The following AGBL4 variants were observed in gnomAD, a reference collection of about 807,000 sequenced individuals.
The protein encoded by AGBL4 is cytosolic carboxypeptidase 6.
A neutral mutation model predicts 66.4 loss-of-function variants in AGBL4; 58 were observed. That is an observed-to-expected ratio of 0.87 (90% CI 0.71 to 1.09). The LOEUF is 1.09. Among genes scored for constraint, AGBL4 ranks in the 50% least tolerant of loss-of-function variants. The probability of loss-of-function intolerance (pLI) is 0.00; values close to 1 mark genes in which losing one functional copy is unlikely to be tolerated. For missense variants in AGBL4, 579 were observed against 631.0 expected (o/e 0.92, Z 0.88); for synonymous variants, 234 against 222.9 (o/e 1.05, Z -0.44).
chr1:48,940,219 A>G (rs1655847429), intron 5 of AGBL4, among the ~76,000 whole-genome samples: 1 of 152,196 alleles, frequency 6.6e-6, no homozygotes, highest in African/African-American at 2.4e-5. Context: ...CTCTACTAAA[A>G]ATACAAAAAT....
chr1:49,375,323 A>G (rs191973182), intron 3 of AGBL4, among the ~76,000 whole-genome samples: 21 of 152,230 alleles, frequency 1.4e-4, no homozygotes, highest in African/African-American at 4.8e-4. Flanking sequence ...AGTGCCATTT[A>G]TCCTTTCCCA....
intron 5 of AGBL4, among the ~76,000 whole-genome samples, chr1:49,039,305 C>G (rs1342242352): frequency 6.6e-6 from 1 of 151,988 alleles, no homozygotes; most frequent in Non-Finnish European, 1.5e-5. Context: ...ATGTACAACA[C>G]CCAGAGTGAA....
intron 1 of AGBL4, among the ~76,000 whole-genome samples, chr1:49,990,093 ACAATC>A (rs1158694471): frequency 6.6e-6 from 1 of 152,216 alleles, no homozygotes; most frequent in African/African-American, 2.4e-5. Context: ...ATTTTGTAAA[ACAATC>A]CAAACAAATT....
intron 11 of AGBL4, among the ~76,000 whole-genome samples, chr1:48,550,642 T>C (rs141970155): frequency 9.2e-5 from 14 of 152,272 alleles, no homozygotes; most frequent in Non-Finnish European, 1.5e-4. Flanking sequence ...TTATTCAGCC[T>C]ATTCCACACT....
intron 3 of AGBL4, among the ~76,000 whole-genome samples, chr1:49,422,901 T>C (rs1417964627): frequency 6.6e-6 from 1 of 152,220 alleles, no homozygotes; most frequent in African/African-American, 2.4e-5. Flanking sequence ...GTGTGCTCTC[T>C]AAACTCAAAT....
At chr1:48,946,400 T>A (rs941034046) in intron 5 of AGBL4, among the ~76,000 whole-genome samples, 1 of 152,202 alleles carries the variant, frequency 6.6e-6, no homozygotes, top group African/African-American at 2.4e-5. Flanking sequence ...TAGTGACAGC[T>A]TGATCGATAA....
At chr1:49,508,996 A>G (rs1230317672) in intron 3 of AGBL4, among the ~76,000 whole-genome samples, 4 of 151,894 alleles carry the variant, frequency 2.6e-5, no homozygotes, top group Admixed American at 6.6e-5. Context: ...AGTAGGGAAC[A>G]TGGATAAGAT....
At chr1:48,792,560 A>G (rs868280293) in intron 6 of AGBL4, among the ~76,000 whole-genome samples, 1 of 152,206 alleles carries the variant, frequency 6.6e-6, no homozygotes. Flanking sequence ...CTCGATATTC[A>G]TGGAGGTATG....
At chr1:48,656,565 G>A (rs1029881399) in intron 7 of AGBL4, among the ~76,000 whole-genome samples, 1 of 152,192 alleles carries the variant, frequency 6.6e-6, no homozygotes, top group Non-Finnish European at 1.5e-5. Flanking sequence ...GGGGCCTGGG[G>A]CCCCAGAAGA....
chr1:49,771,872 G>T (rs1182755716), intron 2 of AGBL4, among the ~76,000 whole-genome samples: 2 of 151,824 alleles, frequency 1.3e-5, no homozygotes, highest in African/African-American at 2.4e-5. Flanking sequence ...GTCTTTAATG[G>T]TGAGATGAGT....
chr1:48,691,175 A>G (rs949660602), intron 6 of AGBL4, among the ~76,000 whole-genome samples: 4 of 138,500 alleles, frequency 2.9e-5, no homozygotes, highest in Non-Finnish European at 5.9e-5. Flanking sequence ...AAAAAAAAAA[A>G]CACATATATG....
At chr1:49,234,082 T>C (rs1302543470) in intron 4 of AGBL4, among the ~76,000 whole-genome samples, 1 of 152,186 alleles carries the variant, frequency 6.6e-6, no homozygotes, top group Non-Finnish European at 1.5e-5. Flanking sequence ...TCCTGAATGA[T>C]GGTATGTTTG....
chr1:49,153,723 C>A lies in AGBL4; in HGVS notation c.377+92047G>T, dbSNP rs577028196. On this transcript the variant is annotated intron_variant, in intron 4 of 13. Transcript: ENST00000371839. ...TAATAATACCTAAACTCTTTCTGGG[C>A]CTTGTTTTCCCATCTGCAAAATGAG... is the stretch of plus-strand genomic sequence containing the variant. Among the ~76,000 whole-genome samples the A allele has an allele frequency of 5.3e-5, 8 of 151,966 alleles. No individual in the cohort carries two copies. The South Asian group carries it at 1.5e-3, about 28-fold the overall frequency.
chr1:49,755,862 C>T lies in AGBL4; in HGVS notation c.158-58425G>A, dbSNP rs189408014. On this transcript the variant is annotated intron_variant, in intron 2 of 13. Coordinates refer to ENST00000371839, the MANE Select transcript of AGBL4 (RefSeq NM_032785.4). ...GTGCCAGAGTGATCTTTCTAAAATG[C>T]AAACTTAACTATGTCACTCACCTCT... 1.6e-3 allele frequency among the ~76,000 whole-genome samples: 250 copies of T among 152,288 alleles called. 1 individual carries two copies. Among genetic ancestry groups the T allele is most frequent in the African/African-American group, 5.8e-3 (243 of 41,574 alleles).
At chr1:49,271,385 AT>A (rs1171483051) in intron 3 of AGBL4, among the ~76,000 whole-genome samples, 2 of 151,964 alleles carry the variant, frequency 1.3e-5, no homozygotes, top group Non-Finnish European at 2.9e-5. Context: ...GGTACTTTCG[AT>A]TTAAAAAAAA....
chr1:48,707,926 G>T (rs1289947736), intron 6 of AGBL4, among the ~76,000 whole-genome samples: 1 of 152,162 alleles, frequency 6.6e-6, no homozygotes, highest in East Asian at 1.9e-4. Flanking sequence ...GATGCTCTCT[G>T]AATGGAAAGG....
At chr1:48,904,405 T>C (rs1274637277) in intron 5 of AGBL4, among the ~76,000 whole-genome samples, 1 of 152,224 alleles carries the variant, frequency 6.6e-6, no homozygotes, top group Non-Finnish European at 1.5e-5. Context: ...GCTCAAAGTC[T>C]AGTGTTTGTA....
chr1:48,551,160 T>G (rs1557779524), intron 11 of AGBL4, among the ~76,000 whole-genome samples: 1 of 152,310 alleles, frequency 6.6e-6, no homozygotes, highest in East Asian at 1.9e-4. Context: ...TTCATGGCCT[T>G]CCATAAGCTA....
intron 4 of AGBL4, among the ~76,000 whole-genome samples, chr1:49,170,873 T>C (rs1006910837): frequency 2.3e-4 from 35 of 152,140 alleles, no homozygotes; most frequent in African/African-American, 7.7e-4. Context: ...CATTAGGAAT[T>C]TGGTCTAGAC....
Sources: allele counts gnomAD v4.1 joint callset (sites outside exome capture counted in the v4.1 genomes callset), GRCh38; gene constraint gnomAD v4.1.1; transcripts MANE v1.5; gene names NCBI Gene and HGNC (gene_info 2026-07-23, HGNC 2026-07-21).